ZNF684: variants seen among roughly 807,000 people sequenced by gnomAD.
ZNF684 encodes hypothetical protein MGC27466.
ZNF684 carries 13 observed loss-of-function variants against 12.8 expected under a neutral mutation model. That is an observed-to-expected ratio of 1.02 (90% confidence interval 0.66 to 1.62). The LOEUF is 1.62. Among genes scored for constraint, ZNF684 ranks in the 40% most tolerant of loss-of-function variants. The probability of loss-of-function intolerance (pLI) is 0.00; values close to 1 mark genes in which losing one functional copy is unlikely to be tolerated. For missense variants in ZNF684, 384 were observed against 446.9 expected, an observed-to-expected ratio of 0.86 and a Z score of 1.27; for synonymous variants, 118 against 151.8, an observed-to-expected ratio of 0.78 and a Z score of 1.64.
chr1:40,534,381 C>T (rs1645973750), intron 2 of ZNF684, among the ~76,000 whole-genome samples: 1 of 150,386 alleles, frequency 6.6e-6, no homozygotes, highest in Non-Finnish European at 1.5e-5. Context: ...GGTGGGATTA[C>T]AGGTGCCCGC....
intron 4 of ZNF684, chr1:40,544,437 C>A: frequency 2.4e-6 from 1 of 416,968 alleles, no homozygotes; most frequent in Non-Finnish European, 4.8e-6. Context: ...GTGGCGCAAT[C>A]TCAGCTCGGG....
chr1:40,537,208 A>T (rs1291670883), intron 2 of ZNF684, among the ~76,000 whole-genome samples: 1 of 152,152 alleles, frequency 6.6e-6, no homozygotes, highest in African/African-American at 2.4e-5. Context: ...TTGCCATTCT[A>T]ACTGGTGTGA....
At chr1:40,540,467 T>C in intron 2 of ZNF684, 119 bp from the exon 3 acceptor site, 14 of 1,097,028 alleles carry the variant, frequency 1.3e-5, no homozygotes, top group Non-Finnish European at 1.7e-5. Flanking sequence ...GTAATCATTA[T>C]AACTGATTTT....
intron 2 of ZNF684, among the ~76,000 whole-genome samples, chr1:40,534,164 T>G (rs1036014463): frequency 4.6e-5 from 7 of 151,838 alleles, no homozygotes; most frequent in Admixed American, 4.6e-4. Flanking sequence ...CTTAATAGGT[T>G]AATTTGGAGA....
chr1:40,532,633 G>T (rs1488798015), intron 1 of ZNF684, among the ~76,000 whole-genome samples: 2 of 150,240 alleles, frequency 1.3e-5, no homozygotes, highest in Non-Finnish European at 3.0e-5. Flanking sequence ...TAAACTGAAG[G>T]ATCCAGCTTA....
intron 2 of ZNF684, among the ~76,000 whole-genome samples, chr1:40,533,817 G>C (rs1428886165): frequency 6.9e-6 from 1 of 144,154 alleles, no homozygotes; most frequent in Non-Finnish European, 1.5e-5. Flanking sequence ...CAGTATGTTA[G>C]GTATTCTTTT....
rs748009935 is a variant in ZNF684, at chr1:40,547,091, C to T, written c.768C>T (p.Ser256=). ...GTGGGAAAACATTCACTTGGAACTCCTCATTTAATCAACACGTGAAATCTC... is the reference window on the plus strand; with the variant it reads ...GTGGGAAAACATTCACTTGGAACTCTTCATTTAATCAACACGTGAAATCTC... ...SQCGKTFTWN[S]SFNQHVKSHT... is the part of the protein sequence containing the mutation. Residue 256 remains serine, a synonymous_variant, in exon 5 of 5, where the codon TCC becomes TCT. Transcript: ENST00000372699. 2.5e-6 allele frequency: 4 copies of T among 1,614,024 alleles called. No homozygotes were observed. Among genetic ancestry groups the T allele is most frequent in the Non-Finnish European group, 3.4e-6 (4 of 1,180,036 alleles).
Position 40,546,667 on chromosome 1 carries a change from G to A in ZNF684, c.344G>A (p.Arg115Lys), listed in dbSNP as rs763590596. The A allele has an allele frequency of 1.2e-5, 19 of 1,608,582 alleles. No homozygotes were observed. In the Admixed American group the frequency reaches 3.2e-4, roughly 27 times the overall value. ...LTFNKILTME[R>K]IHHYNMSTSL... ...TTCAATAAAATTCTGACTATGGAGA[G>A]AATCCACCATTATAATATGAGCACA... is the stretch of plus-strand genomic sequence containing the variant. The change falls in exon 5 of 5, where the codon AGA becomes AAA. Residue 115 changes from arginine (R) to lysine (K), a missense_variant. Arg to Lys is a conservative substitution (Grantham distance 26). Transcript: ENST00000372699.
At chr1:40,541,030 CAAAAAAA>C (rs57200329) in intron 3 of ZNF684, among the ~76,000 whole-genome samples, 2 of 79,406 alleles carry the variant, frequency 2.5e-5, no homozygotes, top group Non-Finnish European at 5.7e-5. Context: ...GACCCTATCT[CAAAAAAA>C]AAAAAAAAAA....
rs1646050537 is a variant in ZNF684, at chr1:40,546,693, AGTCT to A, written c.371_374del (p.Ser124IlefsTer4). The stretch of plus-strand genomic sequence containing the variant: ...AATCCACCATTATAATATGAGCACA[AGTCT>A]TAATCCAATGAGAAAAAAATCATAT... On this transcript the variant is annotated frameshift_variant, in exon 5 of 5. Transcript: ENST00000372699. LOFTEE classifies it low-confidence loss of function (END_TRUNC). 2 of 1,613,558 alleles carry A rather than the reference AGTCT, an allele frequency of 1.2e-6. No homozygotes were observed. The highest frequency in any genetic ancestry group is 1.7e-6 in the Non-Finnish European group (2 of 1,179,918).
intron 2 of ZNF684, among the ~76,000 whole-genome samples, chr1:40,538,794 G>A (rs2124508799): frequency 6.6e-6 from 1 of 151,446 alleles, no homozygotes; most frequent in African/African-American, 2.4e-5. Context: ...CTGCACTCCA[G>A]CGTGGGTGAC....
intron 3 of ZNF684, 37 bp from the exon 4 acceptor site, chr1:40,541,578 C>A: frequency 6.4e-7 from 1 of 1,571,010 alleles, no homozygotes; most frequent in Non-Finnish European, 8.7e-7. Context: ...TTGCCTAGCA[C>A]TTTGGCCCCA....
chr1:40,536,403 A>G (rs900968923), intron 2 of ZNF684, among the ~76,000 whole-genome samples: 10 of 151,292 alleles, frequency 6.6e-5, no homozygotes, highest in African/African-American at 1.9e-4. Flanking sequence ...CACAAAAAAA[A>G]AAAAAAGAAA....
chr1:40,535,054 C>G (rs1645976998), intron 2 of ZNF684, among the ~76,000 whole-genome samples: 1 of 152,190 alleles, frequency 6.6e-6, no homozygotes, highest in African/African-American at 2.4e-5. Flanking sequence ...CTTGTTAGAT[C>G]TAAGAGTTCT....
chr1:40,540,788 C>T (rs1036924047), intron 3 of ZNF684, 76 bp downstream of exon 3: 7 of 1,344,510 alleles, frequency 5.2e-6, no homozygotes, highest in Middle Eastern at 2.0e-4. Context: ...GACTTGGGAA[C>T]GTTTGCCAAT....
intron 4 of ZNF684, among the ~76,000 whole-genome samples, chr1:40,543,905 C>G (rs894562958): frequency 1.3e-5 from 2 of 152,098 alleles, no homozygotes; most frequent in Middle Eastern, 3.4e-3. Context: ...CAAGCCAATT[C>G]TATTATGACT....
chr1:40,537,269 A>G (rs576851088), intron 2 of ZNF684, among the ~76,000 whole-genome samples: 211 of 152,332 alleles, frequency 1.4e-3, no homozygotes, highest in Non-Finnish European at 2.3e-3. Context: ...GTAGAGTCTA[A>G]TAGAGTGTAA....
intron 4 of ZNF684, 117 bp downstream of exon 4, chr1:40,541,827 C>T: frequency 1.3e-6 from 1 of 751,992 alleles, no homozygotes; most frequent in South Asian, 1.7e-5. Context: ...ACACCTTTAA[C>T]ATAACATCAT....
At chr1:40,533,202 T>A in intron 2 of ZNF684, 21 bp downstream of exon 2, 1 of 1,612,290 alleles carries the variant, frequency 6.2e-7, no homozygotes, top group Admixed American at 1.7e-5. Flanking sequence ...CATCTATTCA[T>A]CCAGTTGTTT....
Sources: allele counts gnomAD v4.1 joint callset (sites outside exome capture counted in the v4.1 genomes callset), GRCh38; gene constraint gnomAD v4.1.1; transcripts MANE v1.5; gene names NCBI Gene and HGNC (gene_info 2026-07-23, HGNC 2026-07-21).